Variants in ANO7 observed in about 807,000 individuals in gnomAD.
ANO7 encodes the protein anoctamin-7.
Under a neutral mutation model 115.8 loss-of-function variants are expected in ANO7, and 114 were observed. The observed-to-expected ratio is 0.98, with a 90% confidence interval of 0.85 to 1.15. The LOEUF is 1.15. Among genes scored for constraint, ANO7 ranks in the 50% most tolerant of loss-of-function variants. The probability of loss-of-function intolerance (pLI) is 0.00; values close to 1 mark genes in which losing one functional copy is unlikely to be tolerated. For missense variants in ANO7, 1,302 were observed against 1,201.2 expected (o/e 1.08, Z -1.24); for synonymous variants, 550 against 498.2 (o/e 1.10, Z -1.38).
intron 3 of ANO7, among the ~76,000 whole-genome samples, chr2:241,193,122 G>A (rs2068243529): frequency 6.6e-6 from 1 of 152,024 alleles, no homozygotes; most frequent in Non-Finnish European, 1.5e-5. Context: ...ACCCAGGCTG[G>A]AATGCAGTGG....
downstream of ANO7, chr2:241,229,377 C>T (rs933259771): frequency 6.2e-6 from 3 of 484,408 alleles, no homozygotes; most frequent in Admixed American, 3.5e-5. Context: ...TGCTCATGAC[C>T]TTGGTTTAGT....
the ANO7 span, among the ~76,000 whole-genome samples, chr2:241,234,215 C>T: frequency 6.6e-6 from 1 of 152,204 alleles, no homozygotes; most frequent in Non-Finnish European, 1.5e-5. Flanking sequence ...GGACCACTTG[C>T]GAGGATCGTG....
At chr2:241,195,637 A>C in intron 3 of ANO7, 66 bp from the exon 4 acceptor site, 1 of 1,523,102 alleles carries the variant, frequency 6.6e-7, no homozygotes. Flanking sequence ...GGATGCTGGC[A>C]TCCCTTCCCT....
rs567509924 is a variant in ANO7 at position 241,217,935 on chromosome 2, G to A, written c.2178+44G>A. 2.9e-3 allele frequency: 577 copies of A among 201,008 alleles called. 18 individuals carry two copies. The African/African-American group carries it at 0.1, about 36-fold the overall frequency. 12.5% of individuals were successfully genotyped at this position (201,008 alleles called of 1,614,324 possible). Reference sequence around the variant, plus strand: ...CGCGGGGCGGGGCGGGGGCGCGCAGGGGCGGGGGCGGGGGGGGCAGCGGGG... The same window carrying A: ...CGCGGGGCGGGGCGGGGGCGCGCAGAGGCGGGGGCGGGGGGGGCAGCGGGG... On this transcript the variant is annotated intron_variant, in intron 20 of 24. Coordinates refer to ENST00000674324, the MANE Select transcript of ANO7 (RefSeq NM_001370694.2).
rs2068915103 is a variant in ANO7, at chr2:241,218,315, G to A, written c.2255G>A (p.Gly752Asp). The stretch of plus-strand genomic sequence containing the variant: ...TGGACCCGCGCCCACGACCTGCGCG[G>A]CTTCCTCAACTTCACGCTGGCGCGA... ...YRWTRAHDLR[G>D]FLNFTLARAP... Residue 752 changes from glycine to aspartate, a missense_variant, in exon 21 of 25, where the codon GGC becomes GAC. Coordinates refer to ENST00000674324, the MANE Select transcript of ANO7 (RefSeq NM_001370694.2). 1 of 1,529,082 alleles carries A rather than the reference G, an allele frequency of 6.5e-7. No homozygotes were observed. The highest frequency in any genetic ancestry group is 8.7e-7 in the Non-Finnish European group (1 of 1,145,630). The allele number at this position is 1,529,082 out of a possible 1,614,324, so 94.7% of individuals were successfully genotyped here. A position where few individuals can be genotyped will look rare whatever the true frequency, so the allele number is the denominator to read the frequency against.
At chr2:241,199,921 A>G (rs983989773) in intron 5 of ANO7, among the ~76,000 whole-genome samples, 168 bp from the exon 6 acceptor site, 4 of 152,156 alleles carry the variant, frequency 2.6e-5, no homozygotes, top group Non-Finnish European at 5.9e-5. Context: ...TGAGGCCCTG[A>G]GAGGGGAAGG....
chr2:241,208,931 C>T (rs192097041), intron 11 of ANO7, among the ~76,000 whole-genome samples: 1,982 of 152,176 alleles, frequency 0.013, 60 homozygotes, highest in African/African-American at 0.044. Flanking sequence ...GGGTGGATCA[C>T]AAGGTCAGAA....
chr2:241,215,014 C>T, intron 18 of ANO7, 112 bp downstream of exon 18: 1 of 1,012,680 alleles, frequency 9.9e-7, no homozygotes, highest in Non-Finnish European at 1.4e-6. Context: ...GAAGGGAAGG[C>T]ACCTTGCCTG....
intron 4 of ANO7, chr2:241,196,179 T>C (rs1028783039): frequency 5.6e-6 from 7 of 1,256,244 alleles, no homozygotes; most frequent in Non-Finnish European, 7.0e-6. Context: ...CATTTGTGTT[T>C]ATGACTCTCA....
At chr2:241,191,894 C>T (rs767993364) in intron 3 of ANO7, among the ~76,000 whole-genome samples, 19 of 152,242 alleles carry the variant, frequency 1.2e-4, no homozygotes, top group Non-Finnish European at 2.5e-4. Context: ...GAGAATTCAG[C>T]ACAGAGTTCC....
intron 10 of ANO7, among the ~76,000 whole-genome samples, chr2:241,205,434 A>G (rs972834607): frequency 4.1e-5 from 6 of 148,042 alleles, no homozygotes; most frequent in African/African-American, 1.5e-4. Context: ...AAACAGGTAG[A>G]CAGGTGTGCT....
intron 8 of ANO7, among the ~76,000 whole-genome samples, chr2:241,202,547 G>T (rs1417130104): frequency 1.6e-4 from 25 of 152,226 alleles, no homozygotes; most frequent in Admixed American, 1.6e-3. Context: ...ACGGGAACAG[G>T]CCGGTCCCTG....
At chr2:241,233,657 G>A in the ANO7 span, among the ~76,000 whole-genome samples, 6 of 152,084 alleles carry the variant, frequency 3.9e-5, no homozygotes, top group Non-Finnish European at 2.9e-5. The surrounding 1 kb of genome is among the most constrained non-coding windows in gnomAD (Gnocchi z 4.3). Flanking sequence ...GGCAAGTACC[G>A]AGACACAGCC....
At chr2:241,195,981 C>A in intron 4 of ANO7, 136 bp downstream of exon 4, 1 of 1,557,856 alleles carries the variant, frequency 6.4e-7, no homozygotes, top group Non-Finnish European at 8.7e-7. Flanking sequence ...GCTGGACCCC[C>A]CAGCCACCGT....
intron 1 of ANO7, 40 bp from the exon 2 acceptor site, chr2:241,190,017 C>T (rs1483891487): frequency 6.6e-7 from 1 of 1,507,862 alleles, no homozygotes; most frequent in African/African-American, 1.4e-5. Flanking sequence ...CACCCATCCC[C>T]TCTCTGACCC....
In ANO7 at chr2:241,216,232, G is replaced by A; in HGVS notation, c.1966G>A (p.Glu656Lys). Residue 656 changes from glutamate to lysine, a missense_variant, in exon 19 of 25, where the codon GAA becomes AAA. Glu to Lys is a moderately conservative substitution (Grantham distance 56). Transcript: ENST00000674324. ...TGAGGGTCTGTTTGACGAGTACCTG[G>A]AAATGGGTAGGAGCCCGTTAGCAGC... ...PCEGLFDEYL[E>K]MVLQFGFVTI... 1 of 1,599,666 alleles carries A rather than the reference G, an allele frequency of 6.3e-7. No individual in the cohort carries two copies. The highest frequency in any genetic ancestry group is 8.5e-7 in the Non-Finnish European group (1 of 1,174,766).
At chr2:241,192,518 G>A (rs535540974) in intron 3 of ANO7, among the ~76,000 whole-genome samples, 6 of 152,216 alleles carry the variant, frequency 3.9e-5, no homozygotes, top group South Asian at 2.1e-4. Flanking sequence ...ATAAGGACAC[G>A]AGTTGTCATG....
downstream of ANO7, chr2:241,227,860 T>G (rs537394783): frequency 6.6e-6 from 1 of 152,298 alleles, no homozygotes; most frequent in Admixed American, 6.5e-5. Flanking sequence ...AGTAGACAGA[T>G]CCCGGGAAAG....
Position 241,214,693 on chromosome 2 carries a change from A to G in ANO7, c.1729-112A>G, listed in dbSNP as rs922867266. 9 of 904,436 alleles carry G rather than the reference A, an allele frequency of 1.0e-5. No individual in the cohort carries two copies. In the African/African-American group the frequency reaches 1.3e-4, roughly 13 times the overall value. 56.0% of individuals were successfully genotyped at this position (904,436 alleles called of 1,614,324 possible). ...CTGCAACCCTCCAGGTGCCCAAGGC[A>G]TGTCAGGAGGGAGGTGGGGGCCGGG... On this transcript the variant is annotated intron_variant, in intron 17 of 24. Coordinates refer to ENST00000674324, the MANE Select transcript of ANO7 (RefSeq NM_001370694.2).
Sources: gnomAD v4.1 joint callset for allele counts (sites outside exome capture counted in the v4.1 genomes callset) on GRCh38, gnomAD v4.1.1 for gene constraint, Gnocchi (gnomAD v3.1) non-coding constraint, MANE v1.5 for transcripts, NCBI Gene and HGNC (gene_info 2026-07-23, HGNC 2026-07-21) for gene names.